Variants in SLC35F4 observed in about 807,000 individuals in gnomAD.
SLC35F4 encodes solute carrier family 35 member F4.
Under a neutral mutation model 44.2 loss-of-function variants are expected in SLC35F4, and 24 were observed. The ratio of observed to expected loss-of-function variants is 0.54; its 90% confidence interval spans 0.39 to 0.76. The LOEUF is 0.76. SLC35F4 is among the 30% of genes least tolerant of loss of function. SLC35F4 has a pLI of 0.00. For missense variants in SLC35F4, 562 were observed against 586.1 expected (o/e 0.96, Z 0.42); for synonymous variants, 238 against 223.6 (o/e 1.06, Z -0.57).
intron 1 of SLC35F4, among the ~76,000 whole-genome samples, chr14:57,754,245 C>T (rs1233049927): frequency 1.3e-5 from 2 of 151,648 alleles, no homozygotes; most frequent in Non-Finnish European, 1.5e-5. Context: ...TGGGATTACA[C>T]ACACATGCCA....
intron 1 of SLC35F4, among the ~76,000 whole-genome samples, chr14:57,617,678 G>C (rs1353061947): frequency 6.6e-6 from 1 of 152,186 alleles, no homozygotes; most frequent in African/African-American, 2.4e-5. Context: ...GTATGGATAA[G>C]CAGTGTGCTA....
chr14:57,755,736 C>CA (rs71450337), intron 1 of SLC35F4, among the ~76,000 whole-genome samples: 76,459 of 151,978 alleles, frequency 0.5, 19,369 homozygotes, highest in South Asian at 0.58. Context: ...TGCAGTTTTA[C>CA]TAAATTGCTT....
intron 1 of SLC35F4, among the ~76,000 whole-genome samples, chr14:57,877,429 G>C (rs1213555817): frequency 1.3e-5 from 2 of 152,026 alleles, no homozygotes; most frequent in Non-Finnish European, 1.5e-5. Context: ...TTTATTCCAT[G>C]TCTGCTATTG....
intron 1 of SLC35F4, among the ~76,000 whole-genome samples, chr14:57,742,111 G>GA (rs1436335692): frequency 2.0e-5 from 3 of 152,272 alleles, no homozygotes; most frequent in Non-Finnish European, 2.9e-5. Context: ...ACGAGCCACT[G>GA]AAAAAACATG....
At chr14:57,637,376 A>G (rs1181145681) in intron 1 of SLC35F4, among the ~76,000 whole-genome samples, 1 of 152,122 alleles carries the variant, frequency 6.6e-6, no homozygotes, top group Non-Finnish European at 1.5e-5. Context: ...CTCAGATCCT[A>G]AAGTCAGAAA....
intron 1 of SLC35F4, among the ~76,000 whole-genome samples, chr14:57,900,174 T>C (rs1278151912): frequency 6.6e-6 from 1 of 152,208 alleles, no homozygotes; most frequent in African/African-American, 2.4e-5. Flanking sequence ...ATCCCATTGC[T>C]AGCTACAGAG....
chr14:57,614,455 T>A (rs556465119), intron 1 of SLC35F4, among the ~76,000 whole-genome samples: 5 of 152,224 alleles, frequency 3.3e-5, no homozygotes. Flanking sequence ...TCTTTCGTTA[T>A]CAACAATGAC....
Position 57,750,707 on chromosome 14 carries a change from C to T in SLC35F4, c.103+115016G>A, listed in dbSNP as rs572948099. On this transcript the variant is annotated intron_variant, in intron 1 of 7. Coordinates refer to ENST00000556826, the MANE Select transcript of SLC35F4 (RefSeq NM_001306087.2). ...AGAAATGTCTATTCGTGTCCTTGGCCTGCTTTTTAATGGAATTATTTGGGT... is the reference window on the plus strand; with the variant it reads ...AGAAATGTCTATTCGTGTCCTTGGCTTGCTTTTTAATGGAATTATTTGGGT... Among the ~76,000 whole-genome samples, 9 of 152,018 alleles carry T rather than the reference C, an allele frequency of 5.9e-5. No individual in the cohort carries two copies. The East Asian group carries it at 1.5e-3, about 26-fold the overall frequency.
chr14:57,711,982 C>T (rs1285943265), intron 1 of SLC35F4, among the ~76,000 whole-genome samples: 2 of 152,094 alleles, frequency 1.3e-5, no homozygotes, highest in Non-Finnish European at 2.9e-5. Flanking sequence ...AGTAAGAATC[C>T]AGGTTTCTCA....
At chr14:57,727,146 ATATATG>A (rs766298460) in intron 1 of SLC35F4, among the ~76,000 whole-genome samples, 44,403 of 150,002 alleles carry the variant, frequency 0.3, 7,488 homozygotes, top group Non-Finnish European at 0.38. Context: ...ACATATATAT[ATATATG>A]TATTCTATTA....
At chr14:57,978,505 C>T (rs10141808) in intron 1 of SLC35F4, among the ~76,000 whole-genome samples, 2,341 of 152,220 alleles carry the variant, frequency 0.015, 69 homozygotes, top group African/African-American at 0.053. Flanking sequence ...TAGACATGAC[C>T]GTAGGATCTT....
upstream of SLC35F4, among the ~76,000 whole-genome samples, chr14:57,867,325 G>A (rs1211852431): frequency 6.6e-6 from 1 of 152,146 alleles, no homozygotes; most frequent in African/African-American, 2.4e-5. Flanking sequence ...TTAAGCATAT[G>A]AAAACGCAAT....
At chr14:57,642,508 T>G (rs967990507) in intron 1 of SLC35F4, among the ~76,000 whole-genome samples, 1 of 150,606 alleles carries the variant, frequency 6.6e-6, no homozygotes, top group Non-Finnish European at 1.5e-5. Flanking sequence ...AAATCAGAAG[T>G]TTAACTTTCA....
chr14:57,756,462 C>A (rs1040899991), intron 1 of SLC35F4, among the ~76,000 whole-genome samples: 4 of 151,966 alleles, frequency 2.6e-5, no homozygotes, highest in African/African-American at 7.2e-5. Flanking sequence ...TGACTTAAAT[C>A]TTTTAACATT....
At chr14:57,816,182 T>C (rs763583704) in intron 1 of SLC35F4, among the ~76,000 whole-genome samples, 4 of 152,184 alleles carry the variant, frequency 2.6e-5, no homozygotes, top group Non-Finnish European at 5.9e-5. Flanking sequence ...TTAATTGTCA[T>C]TGGGCCCCAT....
chr14:57,644,894 T>C (rs1157365487), intron 1 of SLC35F4, among the ~76,000 whole-genome samples: 3 of 152,228 alleles, frequency 2.0e-5, no homozygotes, highest in Non-Finnish European at 4.4e-5. Context: ...TCCCCATTGC[T>C]TGTTTTTGTC....
intron 1 of SLC35F4, among the ~76,000 whole-genome samples, chr14:57,734,595 A>AG (rs1318048076): frequency 6.6e-6 from 1 of 152,236 alleles, no homozygotes; most frequent in Non-Finnish European, 1.5e-5. Context: ...CACTATATTA[A>AG]GCTGGGACAA....
chr14:57,718,537 T>C (rs940716976), intron 1 of SLC35F4, among the ~76,000 whole-genome samples: 1 of 152,212 alleles, frequency 6.6e-6, no homozygotes, highest in Non-Finnish European at 1.5e-5. Context: ...TAATAGCCAT[T>C]TTAACTGGAC....
In SLC35F4 at chr14:57,835,485, T is replaced by G. The variant is rs140797709; in HGVS notation, c.103+30238A>C. Among the ~76,000 whole-genome samples the G allele has an allele frequency of 1.3e-3, 195 of 152,306 alleles. 1 individual carries two copies. Among genetic ancestry groups the G allele is most frequent in the African/African-American group, 4.5e-3 (187 of 41,562 alleles). On this transcript the variant is annotated intron_variant, in intron 1 of 7. Transcript: ENST00000556826. ...ACACTCCTAAAAAGCAACAAATGAC[T>G]GATTTGCTTTTCACATCCTCTCCCT...
Sources: allele counts gnomAD v4.1 joint callset (sites outside exome capture counted in the v4.1 genomes callset), GRCh38; gene constraint gnomAD v4.1.1; transcripts MANE v1.5; gene names NCBI Gene and HGNC (gene_info 2026-07-23, HGNC 2026-07-21).